The following MEGF6 variants were observed in gnomAD, a reference collection of about 807,000 sequenced individuals.
The protein encoded by MEGF6 is multiple EGF like domains 6, also known as multiple epidermal growth factor-like domains protein 6.
MEGF6 carries 184 observed loss-of-function variants against 207.1 expected under a neutral mutation model. The observed-to-expected ratio is 0.89, with a 90% CI of 0.79 to 1.00. The LOEUF is 1.00. Ranked by LOEUF, MEGF6 falls within the 50% of genes least tolerant of loss-of-function variation. The pLI is 0.00. For synonymous variants in MEGF6, 1,038 were observed against 910.0 expected, an observed-to-expected ratio of 1.14 and a Z score of -2.53; for missense variants, 2,282 against 2,202.9, an observed-to-expected ratio of 1.04 and a Z score of -0.72.
chr1:3,544,928 T>G (rs576611787), intron 4 of MEGF6, among the ~76,000 whole-genome samples: 5 of 152,136 alleles, frequency 3.3e-5, no homozygotes, highest in African/African-American at 1.2e-4. Flanking sequence ...CTCGGGAGGA[T>G]GACTCGGGTC....
upstream of MEGF6, among the ~76,000 whole-genome samples, chr1:3,613,118 C>T (rs1644349149): frequency 1.3e-5 from 2 of 152,192 alleles, no homozygotes; most frequent in African/African-American, 2.4e-5. Flanking sequence ...TCTAAAACCC[C>T]AGCTACCAGT....
the MEGF6 span, among the ~76,000 whole-genome samples, chr1:3,616,999 C>T: frequency 3.3e-5 from 5 of 152,314 alleles, no homozygotes; most frequent in African/African-American, 9.6e-5. Flanking sequence ...GTTCTGAGGA[C>T]CAGACAGTGG....
intron 7 of MEGF6, 59 bp downstream of exon 7, chr1:3,514,491 C>A: frequency 2.6e-6 from 4 of 1,525,614 alleles, no homozygotes; most frequent in Non-Finnish European, 3.5e-6. Context: ...GGTCCCTCCA[C>A]AGCACCTGGG....
At chr1:3,552,532 C>T (rs1642919115) in intron 4 of MEGF6, among the ~76,000 whole-genome samples, 1 of 152,198 alleles carries the variant, frequency 6.6e-6, no homozygotes, top group Admixed American at 6.5e-5. Flanking sequence ...CCCGTCTCTA[C>T]AAAAAATAAC....
intron 14 of MEGF6, among the ~76,000 whole-genome samples, chr1:3,506,450 G>A (rs1369811375): frequency 6.6e-6 from 1 of 152,194 alleles, no homozygotes; most frequent in Admixed American, 6.5e-5. Flanking sequence ...GCAAGGGCGG[G>A]TGGAAGAGCA....
In MEGF6 at chr1:3,493,971, G is replaced by T. The variant is rs757978312; in HGVS notation, c.4258+25C>A. 3.8e-6 allele frequency: 6 copies of T among 1,587,766 alleles called. No individual in the cohort carries two copies. In the Admixed American group the frequency reaches 5.4e-5, roughly 14 times the overall value. ...GACGGGACGGGGCCAGGGAGCGGGG[G>T]TTCAGGGAGGCACCAAGCACTCACC... On this transcript the variant is annotated intron_variant, in intron 33 of 36. Coordinates refer to ENST00000356575, the MANE Select transcript of MEGF6 (RefSeq NM_001409.4).
Position 3,560,230 on chromosome 1 carries a change from C to A in MEGF6, c.481+19595G>T, listed in dbSNP as rs1468592193. ...AAAGTACAGAGTTTCCTTCTCCCAA[C>A]ACACATAATTTCCTGTATCATTCAA... is the stretch of plus-strand genomic sequence containing the variant. On this transcript the variant is annotated intron_variant, in intron 4 of 36. Coordinates refer to ENST00000356575, the MANE Select transcript of MEGF6 (RefSeq NM_001409.4). The surrounding 1 kb of genome is among the most constrained non-coding windows in gnomAD (Gnocchi z 4.0). Among the ~76,000 whole-genome samples the A allele has an allele frequency of 6.6e-6, 1 of 152,024 alleles. No individual in the cohort carries two copies. The highest frequency in any genetic ancestry group is 1.5e-5 in the Non-Finnish European group (1 of 67,986).
chr1:3,619,546 C>T, the MEGF6 span, among the ~76,000 whole-genome samples: 1 of 149,294 alleles, frequency 6.7e-6, no homozygotes. Context: ...AGATTTCTCC[C>T]TTGCTGTTCT....
upstream of MEGF6, among the ~76,000 whole-genome samples, chr1:3,616,213 C>A (rs1352347383): frequency 6.6e-6 from 1 of 152,174 alleles, no homozygotes; most frequent in Non-Finnish European, 1.5e-5. Flanking sequence ...AGCTGAGAGT[C>A]CCACAGAGAG....
At position 3,494,140 on chromosome 1, in the gene MEGF6, TACC is replaced by T. The variant is rs774929599; in HGVS notation, c.4130-19_4130-17del. 85 of 1,541,052 alleles carry T rather than the reference TACC, an allele frequency of 5.5e-5. No homozygotes were observed. The African/African-American group carries it at 8.6e-4, about 16-fold the overall frequency. ...GGGGGACAGGCTGAAGGACGCCGGT[TACC>T]ACGAGACAAGGGCACACGGTGGCAG... On this transcript the variant is annotated splice_polypyrimidine_tract_variant and intron_variant, in intron 32 of 36. Coordinates refer to ENST00000356575, the MANE Select transcript of MEGF6 (RefSeq NM_001409.4).
chr1:3,617,388 G>A, the MEGF6 span, among the ~76,000 whole-genome samples: 69 of 151,980 alleles, frequency 4.5e-4, no homozygotes, highest in African/African-American at 1.6e-3. Context: ...TGAAAAAAGG[G>A]TGTCTGCCCC....
At chr1:3,598,963 C>T (rs1644117334) in intron 2 of MEGF6, among the ~76,000 whole-genome samples, 1 of 152,192 alleles carries the variant, frequency 6.6e-6, no homozygotes, top group Non-Finnish European at 1.5e-5. Context: ...GGCAAGACCC[C>T]TGAATACCCG....
At chr1:3,586,091 C>T (rs1468683401) in intron 3 of MEGF6, among the ~76,000 whole-genome samples, 2 of 144,708 alleles carry the variant, frequency 1.4e-5, no homozygotes, top group African/African-American at 5.2e-5. Flanking sequence ...GGTGTGAGGA[C>T]ACATGTCCTG....
chr1:3,504,899 C>T (rs1641043722), intron 17 of MEGF6, among the ~76,000 whole-genome samples: 1 of 152,184 alleles, frequency 6.6e-6, no homozygotes, highest in Admixed American at 6.5e-5. Context: ...TCTGGTCAAG[C>T]AAGAAGCAAG....
intron 4 of MEGF6, among the ~76,000 whole-genome samples, chr1:3,530,707 C>T (rs1450052192): frequency 6.6e-6 from 1 of 152,254 alleles, no homozygotes; most frequent in Admixed American, 6.5e-5. Context: ...GGAGACTCAG[C>T]TCCGGGGGTC....
At chr1:3,568,692 A>G (rs1643417681) in intron 4 of MEGF6, among the ~76,000 whole-genome samples, 1 of 152,070 alleles carries the variant, frequency 6.6e-6, no homozygotes, top group African/African-American at 2.4e-5. Flanking sequence ...CTTGCCGGCC[A>G]GCCCTTTAGC....
intron 5 of MEGF6, among the ~76,000 whole-genome samples, chr1:3,517,661 GC>G (rs1262364344): frequency 6.6e-6 from 1 of 152,206 alleles, no homozygotes; most frequent in African/African-American, 2.4e-5. Context: ...AAAACACACA[GC>G]CCAGCCACCC....
chr1:3,577,675 G>A (rs1643679478), intron 4 of MEGF6, among the ~76,000 whole-genome samples: 1 of 152,234 alleles, frequency 6.6e-6, no homozygotes, highest in South Asian at 2.1e-4. Flanking sequence ...GGCACCGTGA[G>A]AGTCTGTGAC....
intron 5 of MEGF6, among the ~76,000 whole-genome samples, chr1:3,521,085 C>T (rs1266076354): frequency 6.6e-6 from 1 of 152,162 alleles, no homozygotes; most frequent in Non-Finnish European, 1.5e-5. Context: ...TCCTTGTCCC[C>T]CTGCAAAGCC....
Sources: allele counts gnomAD v4.1 joint callset (sites outside exome capture counted in the v4.1 genomes callset), GRCh38; gene constraint gnomAD v4.1.1; non-coding constraint Gnocchi (gnomAD v3.1); transcripts MANE v1.5; gene names NCBI Gene and HGNC (gene_info 2026-07-23, HGNC 2026-07-21).